Variants in LRP1B observed in about 807,000 individuals in gnomAD.
LRP1B encodes the protein LDL receptor related protein 1B.
Under a neutral mutation model 556.6 loss-of-function variants are expected in LRP1B, and 217 were observed. The observed-to-expected ratio is 0.39, with a 90% confidence interval of 0.35 to 0.44. The LOEUF (loss-of-function observed/expected upper bound fraction) is 0.44. Ranked by LOEUF, LRP1B falls within the 20% of genes least tolerant of loss-of-function variation. LRP1B has a pLI of 1.00. For synonymous variants in LRP1B, 2,047 were observed against 1,865.8 expected, an observed-to-expected ratio of 1.10 and a Z score of -2.50; for missense variants, 5,053 against 5,620.8, an observed-to-expected ratio of 0.90 and a Z score of 3.23.
chr2:141,985,567 T>C (rs1212820306), intron 1 of LRP1B, among the ~76,000 whole-genome samples: 2 of 151,998 alleles, frequency 1.3e-5, no homozygotes, highest in East Asian at 1.9e-4. Flanking sequence ...ATGTTATAAA[T>C]AATGAAATAA....
chr2:141,145,754 T>C (rs776486689), intron 7 of LRP1B, among the ~76,000 whole-genome samples: 3 of 151,722 alleles, frequency 2.0e-5, no homozygotes, highest in Admixed American at 6.6e-5. Flanking sequence ...GCTGGTCTCA[T>C]ACTCCTGACC....
chr2:141,739,181 A>G (rs967145067), intron 2 of LRP1B, among the ~76,000 whole-genome samples: 2 of 152,124 alleles, frequency 1.3e-5, no homozygotes, highest in African/African-American at 2.4e-5. Context: ...TGAAGGTAAC[A>G]ATAAAGTTTT....
At chr2:141,986,674 G>A (rs554170116) in intron 1 of LRP1B, among the ~76,000 whole-genome samples, 6 of 151,910 alleles carry the variant, frequency 3.9e-5, no homozygotes, top group South Asian at 2.1e-4. Context: ...AAATGGTGAC[G>A]TATGTTGACC....
At position 140,495,626 on chromosome 2, in the gene LRP1B, G is replaced by A. The variant is rs1558922245; in HGVS notation, c.8973C>T (p.Cys2991=). 2 of 1,613,682 alleles carry A rather than the reference G, an allele frequency of 1.2e-6. No homozygotes were observed. The highest frequency in any genetic ancestry group is 1.7e-6 in the Non-Finnish European group (2 of 1,179,748). The change falls in exon 56 of 91, where the codon TGC becomes TGT. Residue 2991 remains cysteine (C), a synonymous_variant. Transcript: ENST00000389484. ...QCINTYGTYK[C]LCTDGYEIQP... ...GTATTTCATACCCATCTGTACAGAG[G>A]CACTTGTAAGTCCCGTATGTATTGA... is the stretch of plus-strand genomic sequence containing the variant.
intron 43 of LRP1B, among the ~76,000 whole-genome samples, chr2:140,595,092 AT>A (rs1682380591): frequency 6.9e-5 from 1 of 14,406 alleles, no homozygotes; most frequent in African/African-American, 2.3e-4. Context: ...AATTGAATAT[AT>A]ATATATATAT....
At chr2:141,990,431 G>C (rs1457269527) in intron 1 of LRP1B, among the ~76,000 whole-genome samples, 1 of 151,948 alleles carries the variant, frequency 6.6e-6, no homozygotes, top group Non-Finnish European at 1.5e-5. Context: ...CAGTAATCTT[G>C]CTCAAATTGA....
intron 65 of LRP1B, 96 bp from the exon 66 acceptor site, chr2:140,442,719 A>C: frequency 1.6e-6 from 2 of 1,225,898 alleles, no homozygotes; most frequent in Admixed American, 4.2e-5. Context: ...CAGTTTATCG[A>C]AAAATGTATT....
chr2:141,283,017 GC>G (rs1181236518), intron 3 of LRP1B, among the ~76,000 whole-genome samples: 1 of 152,086 alleles, frequency 6.6e-6, no homozygotes, highest in Non-Finnish European at 1.5e-5. Flanking sequence ...CAGAGAGTCT[GC>G]CTTTCATCTA....
chr2:141,218,421 T>C (rs1033048442), intron 6 of LRP1B, among the ~76,000 whole-genome samples: 1 of 152,104 alleles, frequency 6.6e-6, no homozygotes, highest in Non-Finnish European at 1.5e-5. Context: ...AAAGAAAATA[T>C]GGTATGTATA....
intron 2 of LRP1B, among the ~76,000 whole-genome samples, chr2:141,669,554 T>A (rs1690582163): frequency 6.6e-6 from 1 of 152,126 alleles, no homozygotes; most frequent in Non-Finnish European, 1.5e-5. Context: ...ACTCTATTTC[T>A]GCCCACCCTG....
intron 88 of LRP1B, among the ~76,000 whole-genome samples, chr2:140,238,737 A>G (rs1458330400): frequency 6.6e-6 from 1 of 150,808 alleles, no homozygotes; most frequent in Non-Finnish European, 1.5e-5. Context: ...ACGTGGTTAT[A>G]TTGCATAGTG....
chr2:140,765,919 C>T (rs979429759), intron 35 of LRP1B, among the ~76,000 whole-genome samples: 13 of 152,032 alleles, frequency 8.6e-5, no homozygotes, highest in South Asian at 2.1e-4. Context: ...TGCTAAATGA[C>T]GAGTTAATGG....
intron 63 of LRP1B, among the ~76,000 whole-genome samples, chr2:140,449,211 A>G (rs891315984): frequency 2.6e-5 from 4 of 152,134 alleles, no homozygotes; most frequent in African/African-American, 7.2e-5. Flanking sequence ...GGACTAAATT[A>G]ACATATTCAT....
rs367997481 is a variant in LRP1B, at chr2:141,591,443, A to G, written c.206-110910T>C. Among the ~76,000 whole-genome samples, 24 of 151,094 alleles carry G rather than the reference A, an allele frequency of 1.6e-4. No homozygotes were observed. The South Asian group carries it at 4.6e-3, about 29-fold the overall frequency. On this transcript the variant is annotated intron_variant, in intron 2 of 90. Coordinates refer to ENST00000389484, the MANE Select transcript of LRP1B (RefSeq NM_018557.3). ...GAAAAAAAAAATCGATTAAAATGTT[A>G]AAAAAGCTAATATGTGTTTGTGTCC...
At chr2:142,059,583 G>A (rs1190827053) in intron 1 of LRP1B, among the ~76,000 whole-genome samples, 1 of 151,702 alleles carries the variant, frequency 6.6e-6, no homozygotes, top group Non-Finnish European at 1.5e-5. Context: ...AAGTTTTTAG[G>A]GATAATTTGA....
At chr2:140,546,284 C>G (rs1377205535) in intron 43 of LRP1B, among the ~76,000 whole-genome samples, 1 of 152,022 alleles carries the variant, frequency 6.6e-6, no homozygotes, top group Non-Finnish European at 1.5e-5. Flanking sequence ...CTTTCTCTTG[C>G]CTGATTGCTC....
At chr2:140,357,942 G>T in intron 74 of LRP1B, 37 bp downstream of exon 74, 1 of 1,587,010 alleles carries the variant, frequency 6.3e-7, no homozygotes. Flanking sequence ...TTAGACTTGT[G>T]TATCCCGGTG....
intron 1 of LRP1B, among the ~76,000 whole-genome samples, chr2:142,043,776 C>G (rs554774604): frequency 2.0e-5 from 3 of 151,548 alleles, no homozygotes; most frequent in Admixed American, 6.6e-5. Context: ...AAATTCTCAA[C>G]AATATTGACA....
intron 2 of LRP1B, among the ~76,000 whole-genome samples, chr2:141,650,038 G>A (rs547626636): frequency 6.6e-4 from 101 of 152,218 alleles, no homozygotes; most frequent in Non-Finnish European, 1.2e-3. Flanking sequence ...AAGTTAGCGC[G>A]GCATGGTGGC....
Sources: allele counts gnomAD v4.1 joint callset (sites outside exome capture counted in the v4.1 genomes callset), GRCh38; gene constraint gnomAD v4.1.1; transcripts MANE v1.5; gene names NCBI Gene and HGNC (gene_info 2026-07-23, HGNC 2026-07-21).